WDR27: variants seen among roughly 807,000 people sequenced by gnomAD.
The protein encoded by WDR27 is WD repeat domain 27.
Under a neutral mutation model 114.4 loss-of-function variants are expected in WDR27, and 100 were observed. That is an observed-to-expected ratio of 0.87 (90% CI 0.74 to 1.03). The LOEUF is 1.03. Among genes scored for constraint, WDR27 ranks in the 50% least tolerant of loss-of-function variants. The pLI, the probability that WDR27 is intolerant of heterozygous loss-of-function variation, is 0.00. For missense variants in WDR27, 1,129 were observed against 1,092.9 expected, an observed-to-expected ratio of 1.03 and a Z score of -0.47; for synonymous variants, 449 against 423.1, an observed-to-expected ratio of 1.06 and a Z score of -0.75.
At chr6:169,696,457 C>T (rs1042387866) in intron 1 of WDR27, among the ~76,000 whole-genome samples, 7 of 152,178 alleles carry the variant, frequency 4.6e-5, no homozygotes, top group Non-Finnish European at 7.3e-5. Context: ...TGCACCCAAA[C>T]GTGCACACAC....
chr6:169,493,607 G>A (rs1419943825), intron 25 of WDR27, among the ~76,000 whole-genome samples: 1 of 151,716 alleles, frequency 6.6e-6, no homozygotes, highest in Non-Finnish European at 1.5e-5. Context: ...TTTGTCTTTG[G>A]TTTGTTATGA....
At chr6:169,461,042 C>T (rs56003504) in intron 25 of WDR27, among the ~76,000 whole-genome samples, 4,647 of 151,548 alleles carry the variant, frequency 0.031, 214 homozygotes, top group African/African-American at 0.1. Context: ...TAGGACATTA[C>T]AGATTAATAA....
At chr6:169,673,262 A>G (rs1779219169) in intron 2 of WDR27, among the ~76,000 whole-genome samples, 1 of 152,220 alleles carries the variant, frequency 6.6e-6, no homozygotes, top group Non-Finnish European at 1.5e-5. Flanking sequence ...TGAGATGCTT[A>G]TAAGGCGATG....
intron 25 of WDR27, among the ~76,000 whole-genome samples, chr6:169,473,295 G>A (rs770240901): frequency 2.3e-4 from 35 of 152,190 alleles, no homozygotes; most frequent in African/African-American, 6.3e-4. Flanking sequence ...AGGCAAGTGC[G>A]CTTGGAGACT....
At chr6:169,625,520 A>C (rs1367368699) in intron 21 of WDR27, among the ~76,000 whole-genome samples, 1 of 152,200 alleles carries the variant, frequency 6.6e-6, no homozygotes, top group Admixed American at 6.5e-5. Flanking sequence ...CAGCTGGCGG[A>C]CGCTCAGCTC....
downstream of WDR27, among the ~76,000 whole-genome samples, chr6:169,453,171 C>A (rs150339268): frequency 6.6e-6 from 1 of 152,358 alleles, no homozygotes; most frequent in Non-Finnish European, 1.5e-5. Context: ...AACAAAACAT[C>A]TTCCTCCAGA....
chr6:169,595,154 A>AAG (rs1363437731), intron 23 of WDR27, among the ~76,000 whole-genome samples: 1 of 152,278 alleles, frequency 6.6e-6, no homozygotes, highest in African/African-American at 2.4e-5. Context: ...CTAACAGAGC[A>AAG]AGACTCAAAA....
At chr6:169,506,254 G>C (rs1446418695) in intron 25 of WDR27, among the ~76,000 whole-genome samples, 1 of 152,068 alleles carries the variant, frequency 6.6e-6, no homozygotes, top group African/African-American at 2.4e-5. Context: ...ATTCATTTGA[G>C]ATTTCCAGGG....
At chr6:169,598,193 T>C (rs955803290) in intron 23 of WDR27, among the ~76,000 whole-genome samples, 1 of 152,238 alleles carries the variant, frequency 6.6e-6, no homozygotes, top group East Asian at 1.9e-4. Flanking sequence ...CTGAAGGGTA[T>C]TGAGATCAGC....
Position 169,688,936 on chromosome 6 carries a change from G to C in WDR27, c.70C>G (p.Leu24Val). The change falls in exon 2 of 26, where the codon CTG becomes GTG. Residue 24 changes from leucine (L) to valine (V), a missense_variant. Physicochemically the swap from Leu to Val is conservative, Grantham distance 32. Coordinates refer to ENST00000448612, the MANE Select transcript of WDR27 (RefSeq NM_182552.5). ...GACACAGACTCCTTGGATTCAACCA[G>C]GTATTTTTCTATAACTATATCACTT... Reference protein sequence around the residue: ...CLSDIVIEKYLVESKESVSHV... With the variant: ...CLSDIVIEKYVVESKESVSHV... 1 of 1,613,816 alleles carries C rather than the reference G, an allele frequency of 6.2e-7. No individual in the cohort carries two copies. Among genetic ancestry groups the C allele is most frequent in the Middle Eastern group, 1.7e-4 (1 of 6,060 alleles).
At chr6:169,579,738 G>A (rs905795029) in intron 24 of WDR27, among the ~76,000 whole-genome samples, 8 of 152,168 alleles carry the variant, frequency 5.3e-5, no homozygotes, top group Admixed American at 5.2e-4. Flanking sequence ...ATAATTAAGA[G>A]TGGGTATAAC....
At chr6:169,449,496 T>C in the WDR27 span, among the ~76,000 whole-genome samples, 1 of 152,078 alleles carries the variant, frequency 6.6e-6, no homozygotes, top group African/African-American at 2.4e-5. Context: ...ACGTCGACCC[T>C]AGGCAAGCAG....
Position 169,693,494 on chromosome 6 carries a change from G to A in WDR27, c.-7-4482C>T, listed in dbSNP as rs559030828. Among the ~76,000 whole-genome samples, 31 of 152,236 alleles carry A rather than the reference G, an allele frequency of 2.0e-4. No homozygotes were observed. The South Asian group carries it at 3.7e-3, about 18-fold the overall frequency. On this transcript the variant is annotated intron_variant, in intron 1 of 25. Transcript: ENST00000448612. ...CAGTACCCCACAGCTCAATACTAACGCTGAATGTAAATGGTCTAAGTGCTC... is the reference window on the plus strand; with the variant it reads ...CAGTACCCCACAGCTCAATACTAACACTGAATGTAAATGGTCTAAGTGCTC...
At chr6:169,641,213 C>T (rs1199396972) in intron 17 of WDR27, among the ~76,000 whole-genome samples, 1 of 152,196 alleles carries the variant, frequency 6.6e-6, no homozygotes, top group Non-Finnish European at 1.5e-5. Context: ...TAGAACTTGC[C>T]AAAGGTGGGA....
rs2128091645 is a variant in WDR27, at chr6:169,540,317, C to CAT, written c.2645+32100_2645+32101dup. Reference sequence around the variant, plus strand: ...ATATTGACTTCTTTCACATTGAAATCATATATTCTTTTGTTTTCTTAAACT... The same window carrying CAT: ...ATATTGACTTCTTTCACATTGAAATCATATATATTCTTTTGTTTTCTTAAACT... On this transcript the variant is annotated intron_variant, in intron 25 of 25. Transcript: ENST00000448612. 2.0e-5 allele frequency among the ~76,000 whole-genome samples: 3 copies of CAT among 152,242 alleles called. 1 individual carries two copies. Among genetic ancestry groups the CAT allele is most frequent in the South Asian group, 4.1e-4 (2 of 4,820 alleles).
chr6:169,618,083 G>T (rs1256292277), intron 21 of WDR27, among the ~76,000 whole-genome samples: 1 of 152,210 alleles, frequency 6.6e-6, no homozygotes, highest in Non-Finnish European at 1.5e-5. Context: ...AGAAGAAAAG[G>T]GAGGGATGTG....
intron 25 of WDR27, among the ~76,000 whole-genome samples, chr6:169,562,186 TA>T (rs1391738510): frequency 1.3e-5 from 2 of 152,082 alleles, no homozygotes; most frequent in African/African-American, 4.8e-5. Flanking sequence ...GGAACACACC[TA>T]ACCAACACGA....
rs142312245 is a variant in WDR27, at chr6:169,682,215, C to T, written c.189+6602G>A. ...CCAACAAAATCAGCTCTCCAACCTC[C>T]ATCCCACAGCAGATCCTGAAGGGAC... On this transcript the variant is annotated intron_variant, in intron 2 of 25. Coordinates refer to ENST00000448612, the MANE Select transcript of WDR27 (RefSeq NM_182552.5). Among the ~76,000 whole-genome samples the T allele has an allele frequency of 4.3e-3, 660 of 152,256 alleles. 6 individuals are homozygous for T. Among genetic ancestry groups the T allele is most frequent in the African/African-American group, 0.015 (631 of 41,548 alleles).
intron 25 of WDR27, among the ~76,000 whole-genome samples, chr6:169,538,191 G>C (rs532804622): frequency 6.6e-6 from 1 of 152,230 alleles, no homozygotes; most frequent in African/African-American, 2.4e-5. Context: ...AAGTCTGGCA[G>C]GATCCTGATG....
Sources: allele counts gnomAD v4.1 joint callset (sites outside exome capture counted in the v4.1 genomes callset), GRCh38; gene constraint gnomAD v4.1.1; transcripts MANE v1.5; gene names NCBI Gene and HGNC (gene_info 2026-07-23, HGNC 2026-07-21).